Variants in SCHIP1 observed in about 807,000 individuals in gnomAD.
SCHIP1 encodes schwannomin-interacting protein 1.
In SCHIP1, 8 loss-of-function variants were observed where a neutral mutation model predicts 29.7. The ratio of observed to expected loss-of-function variants is 0.27; its 90% CI spans 0.16 to 0.49. The LOEUF (loss-of-function observed/expected upper bound fraction) is 0.49, where lower values mean the gene tolerates loss of function less well. Ranked by LOEUF, SCHIP1 falls within the 20% of genes least tolerant of loss-of-function variation. The pLI, the probability that SCHIP1 is intolerant of heterozygous loss-of-function variation, is 0.99. For missense variants in SCHIP1, 193 were observed against 294.6 expected, an observed-to-expected ratio of 0.66 and a Z score of 2.52; for synonymous variants, 76 against 94.9, an observed-to-expected ratio of 0.80 and a Z score of 1.16.
At chr3:159,445,285 A>C in the SCHIP1 span, among the ~76,000 whole-genome samples, 1 of 151,990 alleles carries the variant, frequency 6.6e-6, no homozygotes, top group Non-Finnish European at 1.5e-5. Flanking sequence ...AATGCTCACC[A>C]TCACTGGCCA....
the SCHIP1 span, among the ~76,000 whole-genome samples, chr3:159,455,727 C>T: frequency 1.3e-5 from 2 of 152,248 alleles, no homozygotes; most frequent in Admixed American, 6.5e-5. Context: ...ACTATCACAC[C>T]ACAGATGCCT....
the SCHIP1 span, among the ~76,000 whole-genome samples, chr3:159,682,540 G>T: frequency 0.025 from 3,812 of 152,254 alleles, 187 homozygotes; most frequent in African/African-American, 0.088. Flanking sequence ...AATGGTTGGG[G>T]TACCTGCTAA....
chr3:159,306,636 T>A, the SCHIP1 span: 1 of 722,026 alleles, frequency 1.4e-6, no homozygotes, highest in Non-Finnish European at 1.7e-6. Context: ...TCTTTATTTC[T>A]AATAATGTTT....
the SCHIP1 span, among the ~76,000 whole-genome samples, chr3:159,610,411 A>T: frequency 2.6e-5 from 4 of 152,148 alleles, 1 homozygote; most frequent in Admixed American, 1.3e-4. Flanking sequence ...ATGTTCTGTC[A>T]CTGACCTATT....
At chr3:159,877,757 A>G (rs559320717) in intron 2 of SCHIP1, among the ~76,000 whole-genome samples, 2 of 152,352 alleles carry the variant, frequency 1.3e-5, no homozygotes, top group South Asian at 4.1e-4. Context: ...CATTGCCTCA[A>G]CAGCTGAAAC....
the SCHIP1 span, among the ~76,000 whole-genome samples, chr3:159,281,996 A>G: frequency 6.6e-6 from 1 of 152,024 alleles, no homozygotes. Flanking sequence ...AAAACTTAAT[A>G]TTTTAATTTC....
At chr3:159,427,729 A>C in the SCHIP1 span, among the ~76,000 whole-genome samples, 1 of 152,178 alleles carries the variant, frequency 6.6e-6, no homozygotes, top group Non-Finnish European at 1.5e-5. Flanking sequence ...AAGAGCCCGC[A>C]TCACCGAGTC....
the SCHIP1 span, among the ~76,000 whole-genome samples, chr3:159,826,643 A>T: frequency 6.6e-6 from 1 of 152,204 alleles, no homozygotes; most frequent in Non-Finnish European, 1.5e-5. Flanking sequence ...CCTTAGCATC[A>T]TCTCAGATAA....
At chr3:159,644,158 T>C in the SCHIP1 span, among the ~76,000 whole-genome samples, 1 of 152,252 alleles carries the variant, frequency 6.6e-6, no homozygotes, top group African/African-American at 2.4e-5. Context: ...TGTACTCTAA[T>C]AGAGAATTCG....
chr3:159,293,456 C>T, the SCHIP1 span, among the ~76,000 whole-genome samples: 11 of 152,276 alleles, frequency 7.2e-5, no homozygotes, highest in East Asian at 1.9e-4. Context: ...TATAGAGGCA[C>T]GAAGGTGGTA....
exon 1 of SCHIP1, chr3:159,839,907 G>GCGCC (rs1218456001): frequency 7.2e-7 from 1 of 1,397,456 alleles, no homozygotes; most frequent in Non-Finnish European, 9.2e-7. Context: ...CGGGTGATGA[G>GCGCC]CGCCCCCTCC....
At chr3:159,762,311 G>C in the SCHIP1 span, among the ~76,000 whole-genome samples, 2 of 152,312 alleles carry the variant, frequency 1.3e-5, no homozygotes, top group South Asian at 2.1e-4. Flanking sequence ...CAGAGGAGTT[G>C]AAAGGTTAGA....
At chr3:159,640,878 G>A in the SCHIP1 span, among the ~76,000 whole-genome samples, 1 of 152,158 alleles carries the variant, frequency 6.6e-6, no homozygotes, top group Admixed American at 6.6e-5. Context: ...AGGTTAATCA[G>A]CTCTGAAGCA....
At chr3:159,480,668 C>G in the SCHIP1 span, among the ~76,000 whole-genome samples, 1 of 152,272 alleles carries the variant, frequency 6.6e-6, no homozygotes, top group South Asian at 2.1e-4. Context: ...GCTCTCTCCT[C>G]CCTTCCCACC....
the SCHIP1 span, among the ~76,000 whole-genome samples, chr3:159,725,171 C>G: frequency 1.6e-4 from 24 of 152,196 alleles, no homozygotes; most frequent in African/African-American, 5.5e-4. Context: ...GACCAAGATA[C>G]CTCTGTTTCC....
the SCHIP1 span, among the ~76,000 whole-genome samples, chr3:159,336,740 C>T: frequency 2.0e-5 from 3 of 152,212 alleles, no homozygotes; most frequent in Non-Finnish European, 4.4e-5. Flanking sequence ...GTTTTGGTTA[C>T]TGTAGCCTTG....
At chr3:159,400,527 A>T in the SCHIP1 span, among the ~76,000 whole-genome samples, 3 of 152,288 alleles carry the variant, frequency 2.0e-5, no homozygotes, top group East Asian at 5.8e-4. Context: ...AAATAGCTGG[A>T]CTCAGTACAC....
the SCHIP1 span, among the ~76,000 whole-genome samples, chr3:159,756,207 C>T: frequency 1.3e-5 from 2 of 152,248 alleles, no homozygotes; most frequent in Non-Finnish European, 2.9e-5. Context: ...GGGCCCCACC[C>T]TTGCAGCAAA....
the SCHIP1 span, among the ~76,000 whole-genome samples, chr3:159,456,477 AG>A: frequency 6.6e-6 from 1 of 152,198 alleles, no homozygotes; most frequent in Non-Finnish European, 1.5e-5. Context: ...TCCATGAAAA[AG>A]AGATCTTACA....
Sources: gnomAD v4.1 joint callset for allele counts (sites outside exome capture counted in the v4.1 genomes callset) on GRCh38, gnomAD v4.1.1 for gene constraint, MANE v1.5 for transcripts, NCBI Gene and HGNC (gene_info 2026-07-23, HGNC 2026-07-21) for gene names.